FAM76B: variants seen among roughly 807,000 people sequenced by gnomAD.
The protein encoded by FAM76B is family with sequence similarity 76 member B, also known as protein FAM76B.
In FAM76B, 16 loss-of-function variants were observed where a neutral mutation model predicts 51.8. The ratio of observed to expected loss-of-function variants is 0.31; its 90% CI spans 0.21 to 0.47. The LOEUF (loss-of-function observed/expected upper bound fraction) is 0.47, where lower values mean the gene tolerates loss of function less well. FAM76B is among the 20% of genes least tolerant of loss of function. The pLI is 1.00. For missense variants in FAM76B, 342 were observed against 392.6 expected (o/e 0.87, Z 1.09); for synonymous variants, 166 against 129.5 (o/e 1.28, Z -1.91).
chr11:95,778,950 T>C lies in FAM76B; in HGVS notation c.700A>G (p.Ile234Val), dbSNP rs1351844170. ...CCCCCACTATCTGCTGACTGATTTA[T>C]AGAGCTACTAAAAAGAAAAAAGTAA... is the stretch of plus-strand genomic sequence containing the variant. ...SKPSNGDSSS[I>V]NQSADSGGTD... The change falls in exon 8 of 10, where the codon ATA becomes GTA. Residue 234 changes from isoleucine to valine, a missense_variant. This residue lies in a region of FAM76B where 230 missense variants were observed against 257.4 expected (regional missense o/e 0.89). Coordinates refer to ENST00000358780, the MANE Select transcript of FAM76B (RefSeq NM_144664.5). 10 of 1,606,808 alleles carry C rather than the reference T, an allele frequency of 6.2e-6. No homozygotes were observed. The African/African-American group carries it at 6.7e-5, about 11-fold the overall frequency.
chr11:95,784,370 G>T (rs1860436356), intron 4 of FAM76B, among the ~76,000 whole-genome samples: 1 of 152,122 alleles, frequency 6.6e-6, no homozygotes, highest in Non-Finnish European at 1.5e-5. Flanking sequence ...GAAATAATCT[G>T]TGCAACAAAC....
chr11:95,787,690 A>G lies in FAM76B; in HGVS notation c.153-12T>C. 1 of 1,593,470 alleles carries G rather than the reference A, an allele frequency of 6.3e-7. No homozygotes were observed. Among genetic ancestry groups the G allele is most frequent in the Non-Finnish European group, 8.6e-7 (1 of 1,165,634 alleles). ...TTGTGTTAGTTTTGCTGAAAAATAA[A>G]TTGTATATAGATCATGTTTATGTAG... On this transcript the variant is annotated splice_polypyrimidine_tract_variant and intron_variant, in intron 2 of 9. Transcript: ENST00000358780.
intron 4 of FAM76B, 33 bp downstream of exon 4, chr11:95,786,086 T>C: frequency 6.3e-7 from 1 of 1,580,484 alleles, no homozygotes; most frequent in Non-Finnish European, 8.6e-7. Context: ...TTATTTAATT[T>C]CCAGAAGATG....
intron 5 of FAM76B, 131 bp downstream of exon 5, chr11:95,782,934 C>T (rs759147883): frequency 2.1e-5 from 23 of 1,114,512 alleles, no homozygotes; most frequent in Non-Finnish European, 2.8e-5. Flanking sequence ...CAGCCTTAGA[C>T]ACTCAAGATG....
At position 95,778,837 on chromosome 11, in the gene FAM76B, T is replaced by G; in HGVS notation, c.813A>C (p.Leu271Phe). 6.2e-7 allele frequency: 1 copy of G among 1,602,012 alleles called. No individual in the cohort carries two copies. The highest frequency in any genetic ancestry group is 1.1e-5 in the South Asian group (1 of 88,838). Reference protein sequence around the residue: ...RLLQQRDQTILEKDKKLTELK... With the variant: ...RLLQQRDQTIFEKDKKLTELK... ...ATGTTCTTACCTTTTTATCTTTTTCTAAAATGGTCTGGTCTCTCTGCTGTA... is the reference window on the plus strand; with the variant it reads ...ATGTTCTTACCTTTTTATCTTTTTCGAAAATGGTCTGGTCTCTCTGCTGTA... The change falls in exon 8 of 10, where the codon TTA becomes TTC. Residue 271 changes from leucine to phenylalanine, a missense_variant. Physicochemically the swap from Leu to Phe is conservative, Grantham distance 22. This residue lies in a region of FAM76B where 230 missense variants were observed against 257.4 expected (regional missense o/e 0.89). Coordinates refer to ENST00000358780, the MANE Select transcript of FAM76B (RefSeq NM_144664.5).
rs769398471 is a variant in FAM76B, at chr11:95,771,542, T to C, written c.*19A>G. On this transcript the variant is annotated 3_prime_UTR_variant, in exon 10 of 10. Coordinates refer to ENST00000358780, the MANE Select transcript of FAM76B (RefSeq NM_144664.5). ...CCCAAATTTACATTGTAAGAAGAAA[T>C]GCTAAACAAATGACTTTCTCAAGGA... is the stretch of plus-strand genomic sequence containing the variant. The C allele has an allele frequency of 3.7e-5, 59 of 1,589,496 alleles. No individual in the cohort carries two copies. The highest frequency in any genetic ancestry group is 5.0e-5 in the Non-Finnish European group (58 of 1,161,456).
At chr11:95,787,358 G>A (rs1860657840) in intron 3 of FAM76B, among the ~76,000 whole-genome samples, 1 of 151,842 alleles carries the variant, frequency 6.6e-6, no homozygotes, top group Non-Finnish European at 1.5e-5. Flanking sequence ...CTCAGCCTCT[G>A]GAGTAGCTGG....
intron 5 of FAM76B, 40 bp downstream of exon 5, chr11:95,783,025 C>G (rs890977146): frequency 1.2e-6 from 2 of 1,605,016 alleles, no homozygotes; most frequent in Middle Eastern, 1.8e-4. Flanking sequence ...CATTAAAATG[C>G]AAGGAAGAGT....
In FAM76B at chr11:95,769,552, G is replaced by A. The variant is rs1007064823; in HGVS notation, c.*2009C>T. 5.9e-5 allele frequency: 9 copies of A among 151,968 alleles called. No individual in the cohort carries two copies. The highest frequency in any genetic ancestry group is 4.6e-4 in the Admixed American group (7 of 15,176). 9.4% of individuals were successfully genotyped at this position (151,968 alleles called of 1,614,324 possible). ...TTTGATGTTAGCTAAGGGGAAGGAC[G>A]AGGACAACTTTCTTTTGTAGTTTCT... On this transcript the variant is annotated 3_prime_UTR_variant, in exon 10 of 10. Coordinates refer to ENST00000358780, the MANE Select transcript of FAM76B (RefSeq NM_144664.5).
At chr11:95,788,949 T>G in intron 1 of FAM76B, 4 of 1,345,252 alleles carry the variant, frequency 3.0e-6, no homozygotes, top group Non-Finnish European at 3.9e-6. Flanking sequence ...TTCGCTTTCC[T>G]GGACAGGGAA....
At position 95,779,231 on chromosome 11, in the gene FAM76B, T is replaced by A. The variant is rs1251588580; in HGVS notation, c.693-274A>T. 4.5e-6 allele frequency: 5 copies of A among 1,120,262 alleles called. No homozygotes were observed. The African/African-American group carries it at 7.8e-5, about 18-fold the overall frequency. 69.4% of individuals were successfully genotyped at this position (1,120,262 alleles called of 1,614,324 possible). The stretch of plus-strand genomic sequence containing the variant: ...TTTGTACAGTAACATCAGCAAACTT[T>A]TGGCTAATGAACTAAAACAAAGTAA... On this transcript the variant is annotated intron_variant, in intron 7 of 9. Coordinates refer to ENST00000358780, the MANE Select transcript of FAM76B (RefSeq NM_144664.5).
chr11:95,779,643 T>A lies in FAM76B; in HGVS notation c.656A>T (p.Lys219Met), dbSNP rs775660610. 2.5e-6 allele frequency: 4 copies of A among 1,609,980 alleles called. No homozygotes were observed. In the Admixed American group the frequency reaches 6.7e-5, roughly 27 times the overall value. ...ATIQNETPKK[K>M]PKLESKPSNG... ...AGATGGCTTAGATTCCAATTTGGGC[T>A]TTTTCTTTGGAGTTTCATTCTGAAT... The change falls in exon 7 of 10, where the codon AAG becomes ATG. Residue 219 changes from lysine (K) to methionine (M), a missense_variant. Lys to Met is a moderately conservative substitution (Grantham distance 95). Around this residue, in one of 3 missense-constraint regions of FAM76B, gnomAD observed 230 missense variants for 257.4 expected, o/e 0.89. Transcript: ENST00000358780.
intron 1 of FAM76B, 166 bp from the exon 2 acceptor site, chr11:95,788,729 T>C (rs940823494): frequency 4.7e-5 from 60 of 1,278,872 alleles, no homozygotes; most frequent in Admixed American, 2.3e-4. Flanking sequence ...AATCACAATA[T>C]AATTCCTTAG....
At chr11:95,789,113 C>A in intron 1 of FAM76B, 1 of 1,374,088 alleles carries the variant, frequency 7.3e-7, no homozygotes, top group Non-Finnish European at 9.6e-7. Context: ...CAGGTGGCTG[C>A]CTCACTCAAC....
chr11:95,774,336 T>C (rs1470466901), intron 9 of FAM76B, among the ~76,000 whole-genome samples: 3 of 151,412 alleles, frequency 2.0e-5, no homozygotes, highest in South Asian at 2.1e-4. Context: ...TATTTAAATA[T>C]TGGTTACTTT....
chr11:95,789,605 A>G lies in FAM76B; in HGVS notation c.-127T>C, dbSNP rs1273196528. 2 of 751,858 alleles carry G rather than the reference A, an allele frequency of 2.7e-6. No homozygotes were observed. Among genetic ancestry groups the G allele is most frequent in the Non-Finnish European group, 4.1e-6 (2 of 492,500 alleles). The allele number at this position is 751,858 out of a possible 1,614,324, so 46.6% of individuals were successfully genotyped here. A position where few individuals can be genotyped will look rare whatever the true frequency, so the allele number is the denominator to read the frequency against. On this transcript the variant is annotated 5_prime_UTR_variant, in exon 1 of 10. Transcript: ENST00000358780. ...CCCCTCCCCCTGCCTCGCGCCCACC[A>G]GGGCCTCGCCGCGAGAGCCCAGGGC...
chr11:95,789,101 G>A (rs2120329202), intron 1 of FAM76B: 1 of 1,402,878 alleles, frequency 7.1e-7, no homozygotes, highest in Non-Finnish European at 9.3e-7. Context: ...CTGCGGCATA[G>A]ACAGGTGGCT....
intron 9 of FAM76B, among the ~76,000 whole-genome samples, chr11:95,775,666 T>C (rs1305309158): frequency 6.6e-6 from 1 of 151,514 alleles, no homozygotes; most frequent in Non-Finnish European, 1.5e-5. Context: ...ACTCCAATGA[T>C]ACCCTCCTCC....
At chr11:95,789,231 C>T in intron 1 of FAM76B, 161 bp downstream of exon 1, 2 of 972,516 alleles carry the variant, frequency 2.1e-6, no homozygotes, top group Non-Finnish European at 3.0e-6. Context: ...AGCTAATGTT[C>T]AAGCCCCCAG....
Sources: gnomAD v4.1 joint callset for allele counts (sites outside exome capture counted in the v4.1 genomes callset) on GRCh38, gnomAD v4.1.1 for gene constraint, gnomAD v4.1.1 regional missense constraint, MANE v1.5 for transcripts, NCBI Gene and HGNC (gene_info 2026-07-23, HGNC 2026-07-21) for gene names.